SLC10A7: variants seen among roughly 807,000 people sequenced by gnomAD.
The protein encoded by SLC10A7 is sodium/bile acid cotransporter 7.
A neutral mutation model predicts 43.2 loss-of-function variants in SLC10A7; 29 were observed. That is an observed-to-expected ratio of 0.67 (90% confidence interval 0.50 to 0.92). The LOEUF is 0.92. SLC10A7 is among the 40% of genes least tolerant of loss of function. The probability of loss-of-function intolerance (pLI) is 0.00; values close to 1 mark genes in which losing one functional copy is unlikely to be tolerated. For synonymous variants in SLC10A7, 152 were observed against 144.8 expected (o/e 1.05, Z -0.35); for missense variants, 295 against 403.2 (o/e 0.73, Z 2.30).
chr4:146,445,839 A>T (rs768903374), intron 4 of SLC10A7, among the ~76,000 whole-genome samples: 3 of 151,908 alleles, frequency 2.0e-5, no homozygotes, highest in Non-Finnish European at 4.4e-5. Flanking sequence ...TCTGACGTCC[A>T]GCCTCTTCTC....
chr4:146,512,435 C>G (rs1344331863), intron 2 of SLC10A7, among the ~76,000 whole-genome samples: 1 of 152,112 alleles, frequency 6.6e-6, no homozygotes, highest in Admixed American at 6.6e-5. Flanking sequence ...CATTTATACA[C>G]AAAATTGATC....
intron 5 of SLC10A7, among the ~76,000 whole-genome samples, chr4:146,430,224 G>A (rs972453601): frequency 6.6e-6 from 1 of 152,034 alleles, no homozygotes; most frequent in African/African-American, 2.4e-5. Context: ...GGGAGAGAGA[G>A]AGACAATAGG....
At chr4:146,280,767 A>G (rs1729499567) in intron 10 of SLC10A7, among the ~76,000 whole-genome samples, 1 of 152,174 alleles carries the variant, frequency 6.6e-6, no homozygotes, top group South Asian at 2.1e-4. Context: ...AGATAAGGGA[A>G]GCAGCAAAGA....
chr4:146,374,626 A>G (rs1277050814), intron 5 of SLC10A7, among the ~76,000 whole-genome samples: 27 of 129,544 alleles, frequency 2.1e-4, no homozygotes, highest in African/African-American at 7.7e-4. Flanking sequence ...ACATACACAC[A>G]CACACACACA....
At chr4:146,433,190 C>A (rs1444210453) in intron 5 of SLC10A7, among the ~76,000 whole-genome samples, 11 of 136,458 alleles carry the variant, frequency 8.1e-5, no homozygotes, top group Non-Finnish European at 1.7e-4. Context: ...GAGACGGAGT[C>A]TCGCTCTGTC....
At chr4:146,392,289 A>T (rs537948999) in intron 5 of SLC10A7, among the ~76,000 whole-genome samples, 1 of 152,330 alleles carries the variant, frequency 6.6e-6, no homozygotes, top group East Asian at 1.9e-4. Context: ...TATACCATAC[A>T]GACTAAAAGG....
At chr4:146,276,330 TTC>T (rs1163276946) in intron 10 of SLC10A7, among the ~76,000 whole-genome samples, 3 of 152,170 alleles carry the variant, frequency 2.0e-5, no homozygotes, top group Non-Finnish European at 4.4e-5. Context: ...AGTGAAAATT[TTC>T]TGTTAGAGCA....
intron 4 of SLC10A7, among the ~76,000 whole-genome samples, chr4:146,475,771 T>A (rs1327677846): frequency 6.6e-6 from 1 of 152,138 alleles, no homozygotes; most frequent in Non-Finnish European, 1.5e-5. Context: ...TTTCAATCCA[T>A]CACGAACTAA....
chr4:146,406,111 C>T (rs1374092275), intron 5 of SLC10A7, among the ~76,000 whole-genome samples: 4 of 152,214 alleles, frequency 2.6e-5, no homozygotes, highest in African/African-American at 9.6e-5. Context: ...AAACTACTTC[C>T]AGTCTGGGTT....
intron 4 of SLC10A7, among the ~76,000 whole-genome samples, chr4:146,476,091 C>A (rs1420968135): frequency 6.6e-6 from 1 of 151,866 alleles, no homozygotes; most frequent in Non-Finnish European, 1.5e-5. Flanking sequence ...AGAATTAACA[C>A]CTAAAAGATG....
chr4:146,404,481 TG>T, intron 5 of SLC10A7, among the ~76,000 whole-genome samples: 1 of 127,580 alleles, frequency 7.8e-6, no homozygotes, highest in South Asian at 2.9e-4. Flanking sequence ...CATTTATGTG[TG>T]TGTGTGTGTG....
At chr4:146,397,596 G>T (rs958388593) in intron 5 of SLC10A7, among the ~76,000 whole-genome samples, 7 of 152,050 alleles carry the variant, frequency 4.6e-5, no homozygotes, top group Admixed American at 4.6e-4. Context: ...CTGTTTAATG[G>T]GACTTCTAAT....
intron 5 of SLC10A7, among the ~76,000 whole-genome samples, chr4:146,367,393 G>A (rs945427038): frequency 2.6e-5 from 4 of 152,018 alleles, no homozygotes; most frequent in African/African-American, 9.7e-5. Context: ...TTGAAAGGTG[G>A]CTAGTGCAAC....
At chr4:146,352,073 T>A (rs1176148327) in intron 5 of SLC10A7, among the ~76,000 whole-genome samples, 1 of 109,138 alleles carries the variant, frequency 9.2e-6, no homozygotes, top group Non-Finnish European at 1.8e-5. Context: ...ATTCTCCAAT[T>A]AAAAGACACA....
intron 4 of SLC10A7, among the ~76,000 whole-genome samples, chr4:146,447,554 T>G (rs1191297812): frequency 6.6e-6 from 1 of 152,206 alleles, no homozygotes; most frequent in Non-Finnish European, 1.5e-5. Context: ...ATACCTCTTG[T>G]GCTAACTGAA....
chr4:146,516,894 TC>T (rs1247452213), intron 2 of SLC10A7, 143 bp downstream of exon 2: 1 of 590,540 alleles, frequency 1.7e-6, no homozygotes, highest in East Asian at 2.8e-5. Flanking sequence ...GAAACACAAG[TC>T]CTTTGCCGAC....
rs79967618 is a variant in SLC10A7 at position 146,358,987 on chromosome 4, T to C, written c.436-32991A>G. ...AGTACTTGAACCATTTACCATTCAC[T>C]CCTACCAGCAATGTATTAGAATTCC... is the stretch of plus-strand genomic sequence containing the variant. On this transcript the variant is annotated intron_variant, in intron 5 of 11. Coordinates refer to ENST00000335472, the MANE Select transcript of SLC10A7 (RefSeq NM_001029998.6). 3.0e-3 allele frequency among the ~76,000 whole-genome samples: 457 copies of C among 152,290 alleles called. 2 individuals carry two copies. Among genetic ancestry groups the C allele is most frequent in the African/African-American group, 0.01 (435 of 41,566 alleles).
chr4:146,341,898 C>G (rs558701146), intron 5 of SLC10A7, among the ~76,000 whole-genome samples: 1 of 151,574 alleles, frequency 6.6e-6, no homozygotes, highest in Non-Finnish European at 1.5e-5. Context: ...CGGCCTTAAA[C>G]AAAGTTATAC....
chr4:146,375,359 C>T (rs762611363), intron 5 of SLC10A7, among the ~76,000 whole-genome samples: 9 of 152,142 alleles, frequency 5.9e-5, no homozygotes, highest in Admixed American at 3.3e-4. Context: ...TGGAGAGATG[C>T]TCTTACCTTT....
Sources: allele counts gnomAD v4.1 joint callset (sites outside exome capture counted in the v4.1 genomes callset), GRCh38; gene constraint gnomAD v4.1.1; transcripts MANE v1.5; gene names NCBI Gene and HGNC (gene_info 2026-07-23, HGNC 2026-07-21).